Variants in CCDC47 observed in about 807,000 individuals in gnomAD.
CCDC47 encodes the protein coiled-coil domain containing 47.
A neutral mutation model predicts 60.5 loss-of-function variants in CCDC47; 41 were observed. That is an observed-to-expected ratio of 0.68 (90% confidence interval 0.53 to 0.88). The LOEUF (loss-of-function observed/expected upper bound fraction) is 0.88, where lower values mean the gene tolerates loss of function less well. CCDC47 is among the 40% of genes least tolerant of loss of function. The pLI is 0.00. For missense variants in CCDC47, 513 were observed against 580.9 expected, an observed-to-expected ratio of 0.88 and a Z score of 1.20; for synonymous variants, 195 against 190.7, an observed-to-expected ratio of 1.02 and a Z score of -0.18.
intron 12 of CCDC47, among the ~76,000 whole-genome samples, chr17:63,749,193 G>A (rs2039143377): frequency 1.4e-5 from 2 of 148,050 alleles, no homozygotes; most frequent in African/African-American, 5.0e-5. Context: ...GATCACCTGA[G>A]ATCAGGAGTT....
intron 12 of CCDC47, among the ~76,000 whole-genome samples, chr17:63,749,905 C>G (rs185348762): frequency 6.6e-6 from 1 of 151,950 alleles, no homozygotes; most frequent in Non-Finnish European, 1.5e-5. Flanking sequence ...CAGCGAGCTA[C>G]GATTTTGCCA....
intron 1 of CCDC47, among the ~76,000 whole-genome samples, chr17:63,769,633 A>G (rs1301657353): frequency 6.6e-6 from 1 of 151,638 alleles, no homozygotes; most frequent in Admixed American, 6.6e-5. Context: ...AAAAAAGAAA[A>G]GAAAAGAAAA....
chr17:63,747,304 T>G (rs941653749), intron 12 of CCDC47: 9 of 984,706 alleles, frequency 9.1e-6, no homozygotes, highest in African/African-American at 1.7e-5. Context: ...CCATTCATGA[T>G]GGCATTATAT....
chr17:63,753,967 G>A (rs543885657), intron 9 of CCDC47, among the ~76,000 whole-genome samples: 216 of 152,198 alleles, frequency 1.4e-3, no homozygotes, highest in South Asian at 6.4e-3. Context: ...TTAGCCGAGC[G>A]TGGTGGTGCA....
intron 1 of CCDC47, among the ~76,000 whole-genome samples, chr17:63,770,996 AAAAG>A (rs1463692923): frequency 1.8e-4 from 16 of 89,442 alleles, no homozygotes; most frequent in Non-Finnish European, 3.0e-4. Flanking sequence ...AAAAAAAAAA[AAAAG>A]AAAGAAAGAA....
chr17:63,764,589 G>T, intron 3 of CCDC47, 151 bp downstream of exon 3: 1 of 648,278 alleles, frequency 1.5e-6, no homozygotes, highest in Non-Finnish European at 2.5e-6. Flanking sequence ...AGACGGAGAG[G>T]TGTTGATTTT....
Position 63,764,757 on chromosome 17 carries a change from G to T in CCDC47, c.355C>A (p.Pro119Thr). 6.2e-7 allele frequency: 1 copy of T among 1,612,456 alleles called. No homozygotes were observed. The highest frequency in any genetic ancestry group is 1.1e-5 in the South Asian group (1 of 90,868). Residue 119 changes from proline to threonine, a missense_variant, in exon 3 of 13, where the codon CCA becomes ACA. Coordinates refer to ENST00000225726, the MANE Select transcript of CCDC47 (RefSeq NM_020198.3). Reference sequence around the variant, plus strand: ...ATACCTACATCAACAATCGTTATTGGGTCTTTATTTTTGCTAGAAGAAGTA... The same window carrying T: ...ATACCTACATCAACAATCGTTATTGTGTCTTTATTTTTGCTAGAAGAAGTA... ...PDTSSSKNKD[P>T]ITIVDVPAHL...
intron 12 of CCDC47, 41 bp from the exon 13 acceptor site, chr17:63,747,002 G>T: frequency 1.2e-6 from 2 of 1,602,950 alleles, no homozygotes; most frequent in South Asian, 2.2e-5. Context: ...AGGGAGTGGG[G>T]ACGAGAGAAT....
At chr17:63,761,200 T>C (rs1328379543) in intron 5 of CCDC47, 30 bp downstream of exon 5, 7 of 1,613,552 alleles carry the variant, frequency 4.3e-6, no homozygotes, top group Admixed American at 3.3e-5. Flanking sequence ...TAAGGGAAGA[T>C]ATATATCGTA....
chr17:63,768,741 AT>A (rs1332887523), intron 1 of CCDC47, among the ~76,000 whole-genome samples: 2 of 152,098 alleles, frequency 1.3e-5, no homozygotes, highest in African/African-American at 4.8e-5. Flanking sequence ...TTAAAAAAAA[AT>A]TGTTACACAG....
chr17:63,761,516 C>CT, intron 4 of CCDC47, 165 bp from the exon 5 acceptor site: 1 of 163,680 alleles, frequency 6.1e-6, no homozygotes. Flanking sequence ...CCTGTCCCTA[C>CT]TAAAAAAAAA....
intron 6 of CCDC47, among the ~76,000 whole-genome samples, chr17:63,758,210 T>C (rs920053709): frequency 1.3e-5 from 2 of 152,202 alleles, no homozygotes; most frequent in Admixed American, 1.3e-4. Flanking sequence ...TAACAAATTA[T>C]TGGTTGAGTG....
chr17:63,759,532 T>A (rs868176011), intron 6 of CCDC47, among the ~76,000 whole-genome samples: 161 of 4,382 alleles, frequency 0.037, 44 homozygotes, highest in African/African-American at 0.17. Context: ...TATATTTATA[T>A]ATATATATAT....
At chr17:63,761,536 A>T (rs2039260992) in intron 4 of CCDC47, 185 bp from the exon 5 acceptor site, 1 of 429,410 alleles carries the variant, frequency 2.3e-6, no homozygotes, top group African/African-American at 2.1e-5. Context: ...AAAAAAAAAA[A>T]ATTATAAAAA....
At chr17:63,768,932 A>T (rs572542600) in intron 1 of CCDC47, among the ~76,000 whole-genome samples, 10 of 152,076 alleles carry the variant, frequency 6.6e-5, no homozygotes, top group South Asian at 4.2e-4. Flanking sequence ...AAAAATATTT[A>T]AAAAATTAGC....
intron 4 of CCDC47, chr17:63,762,231 C>T (rs546028919): frequency 2.5e-5 from 25 of 985,288 alleles, no homozygotes; most frequent in African/African-American, 1.7e-4. Flanking sequence ...CAAGGGAAAA[C>T]GGACTGATAC....
rs373667854 is a variant in CCDC47, at chr17:63,752,072, T to C, written c.1239A>G (p.Val413=). 1.8e-5 allele frequency: 29 copies of C among 1,613,844 alleles called. No homozygotes were observed. The highest frequency in any genetic ancestry group is 2.5e-5 in the Non-Finnish European group (29 of 1,180,018). The change falls in exon 12 of 13, where the codon GTA becomes GTG. Residue 413 remains valine (V), a synonymous_variant. Coordinates refer to ENST00000225726, the MANE Select transcript of CCDC47 (RefSeq NM_020198.3). ...GTGTCAGTTTCAAGAAGTTCTCTTCTACTCGGGCACGGTTCTTATCTGCTT... is the reference window on the plus strand; with the variant it reads ...GTGTCAGTTTCAAGAAGTTCTCTTCCACTCGGGCACGGTTCTTATCTGCTT... ...KQKADKNRAR[V]EENFLKLTHV...
intron 4 of CCDC47, 164 bp from the exon 5 acceptor site, chr17:63,761,515 AC>A: frequency 3.0e-6 from 1 of 329,998 alleles, no homozygotes. Flanking sequence ...CCCTGTCCCT[AC>A]TAAAAAAAAA....
Position 63,751,975 on chromosome 17 carries a change from T to C in CCDC47, c.1336A>G (p.Asn446Asp). 6.2e-7 allele frequency: 1 copy of C among 1,613,844 alleles called. No individual in the cohort carries two copies. The highest frequency in any genetic ancestry group is 8.5e-7 in the Non-Finnish European group (1 of 1,180,032). The change falls in exon 12 of 13, where the codon AAT becomes GAT. Residue 446 changes from asparagine (N) to aspartate (D), a missense_variant. Coordinates refer to ENST00000225726, the MANE Select transcript of CCDC47 (RefSeq NM_020198.3). Reference sequence around the variant, plus strand: ...CGCTGTTTCTCAGGATCTTCCTCATTCATGATTCGCTCCTTCTCTGCTCTT... The same window carrying C: ...CGCTGTTTCTCAGGATCTTCCTCATCCATGATTCGCTCCTTCTCTGCTCTT... ...KKRAEKERIM[N>D]EEDPEKQRRL...
Sources: gnomAD v4.1 joint callset for allele counts (sites outside exome capture counted in the v4.1 genomes callset) on GRCh38, gnomAD v4.1.1 for gene constraint, MANE v1.5 for transcripts, NCBI Gene and HGNC (gene_info 2026-07-23, HGNC 2026-07-21) for gene names.